The following WDR35 variants were observed in gnomAD, a reference collection of about 807,000 sequenced individuals.
WDR35 encodes WD repeat-containing protein 35.
Under a neutral mutation model 158.3 loss-of-function variants are expected in WDR35, and 118 were observed. That is an observed-to-expected ratio of 0.75 (90% CI 0.64 to 0.87). The LOEUF (loss-of-function observed/expected upper bound fraction) is 0.87. Among genes scored for constraint, WDR35 ranks in the 40% least tolerant of loss-of-function variants. The pLI is 0.00. For missense variants in WDR35, 1,263 were observed against 1,405.8 expected (o/e 0.90, Z 1.62); for synonymous variants, 448 against 476.1 (o/e 0.94, Z 0.77).
intron 25 of WDR35, among the ~76,000 whole-genome samples, chr2:19,925,323 A>G (rs1187129529): frequency 6.6e-6 from 1 of 152,246 alleles, no homozygotes; most frequent in Admixed American, 6.5e-5. Flanking sequence ...GAGAGTGCAT[A>G]GCATAGCTCC....
rs751273743 is a variant in WDR35, at chr2:19,936,354, A to C, written c.2279T>G (p.Ile760Ser). ...ATCCCCCAATTTCAGCCGGAGGCCA[A>C]TAGCAAGATCCCTACAAACAAAGGC... is the stretch of plus-strand genomic sequence containing the variant. ...YLEMDRRDLA[I>S]GLRLKLGDWF... Residue 760 changes from isoleucine to serine, a missense_variant, in exon 20 of 27, where the codon ATT becomes AGT. Coordinates refer to ENST00000281405, the MANE Select transcript of WDR35 (RefSeq NM_020779.4). 6.2e-7 allele frequency: 1 copy of C among 1,613,852 alleles called. No homozygotes were observed. Among genetic ancestry groups the C allele is most frequent in the African/African-American group, 1.3e-5 (1 of 74,910 alleles).
At chr2:19,938,508 A>T in intron 17 of WDR35, 107 bp from the exon 18 acceptor site, 3 of 1,397,668 alleles carry the variant, frequency 2.1e-6, no homozygotes, top group Non-Finnish European at 2.9e-6. Flanking sequence ...AAAAAACGGC[A>T]TCATATTGTG....
At chr2:19,981,093 C>T (rs1353581823) in intron 3 of WDR35, among the ~76,000 whole-genome samples, 2 of 152,128 alleles carry the variant, frequency 1.3e-5, no homozygotes, top group Non-Finnish European at 2.9e-5. Flanking sequence ...CTCAATTGGC[C>T]TGACTCCCAA....
chr2:19,969,189 C>T (rs954430075), intron 9 of WDR35, among the ~76,000 whole-genome samples: 3 of 152,224 alleles, frequency 2.0e-5, no homozygotes, highest in Admixed American at 6.5e-5. Flanking sequence ...TACTTTTTAT[C>T]ATCCCTTACT....
rs1287745296 is a variant in WDR35, at chr2:19,936,335, C to T, written c.2298G>A (p.Leu766=). ...RDLAIGLRLK[L]GDWFRVLQLL... ...GCTGGAGTACTCTAAACCAATCCCC[C>T]AATTTCAGCCGGAGGCCAATAGCAA... The change falls in exon 20 of 27, where the codon TTG becomes TTA. Residue 766 remains leucine (L), a synonymous_variant. Transcript: ENST00000281405. 2 of 1,613,882 alleles carry T rather than the reference C, an allele frequency of 1.2e-6. No individual in the cohort carries two copies. Among genetic ancestry groups the T allele is most frequent in the Non-Finnish European group, 1.7e-6 (2 of 1,179,930 alleles).
chr2:19,981,110 T>A (rs1236415430), intron 3 of WDR35, among the ~76,000 whole-genome samples: 1 of 152,166 alleles, frequency 6.6e-6, no homozygotes, highest in South Asian at 2.1e-4. Flanking sequence ...CCAAAAATAA[T>A]GATGTTCAAA....
chr2:19,964,073 A>T (rs1671754647), intron 10 of WDR35, among the ~76,000 whole-genome samples: 1 of 152,162 alleles, frequency 6.6e-6, no homozygotes, highest in South Asian at 2.1e-4. Context: ...TTGGAAAACT[A>T]TCCCTGCAAA....
At chr2:19,916,602 C>T (rs190482651) in intron 25 of WDR35, among the ~76,000 whole-genome samples, 417 of 152,322 alleles carry the variant, frequency 2.7e-3, no homozygotes, top group Admixed American at 6.1e-3. Context: ...TTCACCCTCA[C>T]AGTGTAAACA....
chr2:19,957,073 C>T (rs1178158753), intron 11 of WDR35, among the ~76,000 whole-genome samples: 1 of 152,036 alleles, frequency 6.6e-6, no homozygotes, highest in Non-Finnish European at 1.5e-5. Flanking sequence ...GTGAATTTGC[C>T]CATATCACAC....
At chr2:19,973,144 G>C (rs1200752521) in intron 8 of WDR35, among the ~76,000 whole-genome samples, 1 of 152,042 alleles carries the variant, frequency 6.6e-6, no homozygotes, top group Non-Finnish European at 1.5e-5. Context: ...AAGTTTGAAG[G>C]AAGGACAGAC....
chr2:19,978,193 CAG>C (rs1035422562), intron 5 of WDR35, among the ~76,000 whole-genome samples: 11 of 141,224 alleles, frequency 7.8e-5, no homozygotes, highest in African/African-American at 3.0e-4. Flanking sequence ...CACACACACA[CAG>C]ACACACACAC....
intron 25 of WDR35, among the ~76,000 whole-genome samples, chr2:19,925,262 T>C (rs770461773): frequency 5.9e-5 from 9 of 152,298 alleles, no homozygotes; most frequent in East Asian, 1.9e-4. Context: ...CAGAATACAA[T>C]GGGGAAATTC....
Position 19,930,570 on chromosome 2 carries a change from C to T in WDR35, c.2965-18G>A. The T allele has an allele frequency of 1.2e-6, 2 of 1,613,704 alleles. No individual in the cohort carries two copies. Among genetic ancestry groups the T allele is most frequent in the Non-Finnish European group, 1.7e-6 (2 of 1,180,002 alleles). On this transcript the variant is annotated intron_variant, in intron 24 of 26. Transcript: ENST00000281405. The stretch of plus-strand genomic sequence containing the variant: ...GAAGTGGCCTACGAGTAAAGTCAGC[C>T]CACACTTTCCGTCAGCACAAACGCA...
chr2:19,954,224 A>G (rs1180377631), intron 11 of WDR35, among the ~76,000 whole-genome samples: 1 of 152,260 alleles, frequency 6.6e-6, no homozygotes, highest in African/African-American at 2.4e-5. Context: ...ACACTTAAAG[A>G]AAACTTGGGA....
At chr2:19,968,955 T>C (rs1435430807) in intron 9 of WDR35, among the ~76,000 whole-genome samples, 1 of 152,228 alleles carries the variant, frequency 6.6e-6, no homozygotes, top group Non-Finnish European at 1.5e-5. Context: ...TGGCTCCCCT[T>C]TGGGTTTGGC....
intron 11 of WDR35, among the ~76,000 whole-genome samples, chr2:19,957,693 C>T (rs1671494267): frequency 6.6e-6 from 1 of 152,016 alleles, no homozygotes; most frequent in African/African-American, 2.4e-5. Context: ...GCTGGGATTA[C>T]AGGTGCATGC....
intron 25 of WDR35, among the ~76,000 whole-genome samples, chr2:19,922,713 T>C (rs1670208916): frequency 6.6e-6 from 1 of 152,100 alleles, no homozygotes; most frequent in Non-Finnish European, 1.5e-5. Flanking sequence ...ACTTAAAGTA[T>C]AATTAAAAAA....
intron 9 of WDR35, among the ~76,000 whole-genome samples, chr2:19,968,678 G>A (rs2103447467): frequency 6.6e-6 from 1 of 152,194 alleles, no homozygotes; most frequent in Middle Eastern, 3.4e-3. Flanking sequence ...CCCTGCCCTA[G>A]TCCTAGAATC....
At chr2:19,942,968 G>C (rs914725343) in intron 16 of WDR35, among the ~76,000 whole-genome samples, 1 of 151,888 alleles carries the variant, frequency 6.6e-6, no homozygotes, top group African/African-American at 2.4e-5. Flanking sequence ...CAAGTCAGAA[G>C]GCCTCATAAT....
Sources: gnomAD v4.1 joint callset for allele counts (sites outside exome capture counted in the v4.1 genomes callset) on GRCh38, gnomAD v4.1.1 for gene constraint, MANE v1.5 for transcripts, NCBI Gene and HGNC (gene_info 2026-07-23, HGNC 2026-07-21) for gene names.